The following DLGAP2 variants were observed in gnomAD, a reference collection of about 807,000 sequenced individuals.
DLGAP2 encodes DLG associated protein 2.
Under a neutral mutation model 100.3 loss-of-function variants are expected in DLGAP2, and 26 were observed. The observed-to-expected ratio is 0.26, with a 90% CI of 0.19 to 0.36. DLGAP2 has a LOEUF of 0.36. Ranked by LOEUF, DLGAP2 falls within the 10% of genes least tolerant of loss-of-function variation. The pLI, the probability that DLGAP2 is intolerant of heterozygous loss-of-function variation, is 1.00. For missense variants in DLGAP2, 1,858 were observed against 1,453.2 expected (o/e 1.28, Z -4.53); for synonymous variants, 886 against 630.1 (o/e 1.41, Z -6.08).
intron 2 of DLGAP2, among the ~76,000 whole-genome samples, chr8:1,082,682 T>A (rs1464916288): frequency 6.6e-6 from 1 of 152,196 alleles, no homozygotes; most frequent in Non-Finnish European, 1.5e-5. Context: ...TGCTGGGAGA[T>A]CAGAGGTATT....
At chr8:1,183,312 C>A (rs983459880) in intron 2 of DLGAP2, among the ~76,000 whole-genome samples, 9 of 152,130 alleles carry the variant, frequency 5.9e-5, no homozygotes, top group Admixed American at 4.6e-4. Flanking sequence ...AAAATAACTA[C>A]ATGGGAAAAC....
intron 3 of DLGAP2, among the ~76,000 whole-genome samples, chr8:1,435,720 G>A (rs1797600571): frequency 6.6e-6 from 1 of 151,818 alleles, no homozygotes; most frequent in Non-Finnish European, 1.5e-5. Context: ...TGTGGTCGTA[G>A]GCGATGGCAG....
intron 2 of DLGAP2, among the ~76,000 whole-genome samples, chr8:1,080,122 C>T (rs1027156506): frequency 5.9e-5 from 9 of 152,220 alleles, no homozygotes; most frequent in Admixed American, 5.2e-4. Flanking sequence ...GGCCGTGCTG[C>T]AGGTTCGCTG....
At chr8:859,562 G>T (rs181930749) in intron 1 of DLGAP2, among the ~76,000 whole-genome samples, 11 of 152,250 alleles carry the variant, frequency 7.2e-5, no homozygotes, top group African/African-American at 2.6e-4. Flanking sequence ...GGACTGAATG[G>T]CCCATCGCCC....
chr8:1,212,763 C>T (rs146117017), intron 2 of DLGAP2, among the ~76,000 whole-genome samples: 1 of 129,446 alleles, frequency 7.7e-6, no homozygotes, highest in African/African-American at 3.0e-5. Context: ...CTCTCTCTTC[C>T]CCCCCGCCCA....
intron 1 of DLGAP2, among the ~76,000 whole-genome samples, chr8:804,685 A>G (rs1796234565): frequency 6.6e-6 from 1 of 152,250 alleles, no homozygotes; most frequent in African/African-American, 2.4e-5. Context: ...AAACTTTTAA[A>G]TAATCTTTTC....
intron 1 of DLGAP2, among the ~76,000 whole-genome samples, chr8:771,141 A>G (rs769974839): frequency 3.3e-5 from 5 of 152,132 alleles, no homozygotes; most frequent in Non-Finnish European, 7.3e-5. Flanking sequence ...AAATTACCTA[A>G]TTTATGTCAG....
At chr8:1,536,799 T>A (rs551563232) in intron 4 of DLGAP2, among the ~76,000 whole-genome samples, 1 of 152,200 alleles carries the variant, frequency 6.6e-6, no homozygotes, top group East Asian at 1.9e-4. Context: ...TATTTTTATT[T>A]CCATTCAAAT....
At chr8:1,066,756 C>T (rs933961930) in intron 2 of DLGAP2, among the ~76,000 whole-genome samples, 4 of 152,234 alleles carry the variant, frequency 2.6e-5, no homozygotes, top group African/African-American at 7.2e-5. Flanking sequence ...CCTCCACACG[C>T]GGCACCTCCG....
At chr8:1,552,215 G>A (rs1801792759) in intron 5 of DLGAP2, among the ~76,000 whole-genome samples, 1 of 152,216 alleles carries the variant, frequency 6.6e-6, no homozygotes, top group Non-Finnish European at 1.5e-5. Context: ...CCGACATTGG[G>A]AAGCACTGCC....
intron 3 of DLGAP2, among the ~76,000 whole-genome samples, chr8:1,408,376 G>C (rs948926474): frequency 1.3e-5 from 2 of 152,190 alleles, no homozygotes; most frequent in South Asian, 2.1e-4. Flanking sequence ...GGAGAAATCA[G>C]TTCCAGGCCC....
intron 2 of DLGAP2, among the ~76,000 whole-genome samples, chr8:1,253,778 C>T (rs1266216722): frequency 6.6e-6 from 1 of 152,200 alleles, no homozygotes; most frequent in East Asian, 1.9e-4. Flanking sequence ...GATGATGAAT[C>T]CACAGTGTAT....
At chr8:1,245,710 G>A (rs549968965) in intron 2 of DLGAP2, among the ~76,000 whole-genome samples, 2 of 152,320 alleles carry the variant, frequency 1.3e-5, no homozygotes, top group East Asian at 3.9e-4. Flanking sequence ...ACTTTCAGTG[G>A]GTGAATCATA....
intron 1 of DLGAP2, among the ~76,000 whole-genome samples, chr8:781,649 G>A (rs7006952): frequency 0.99 from 151,281 of 152,268 alleles, 75,155 homozygotes; most frequent in Middle Eastern, 1. Flanking sequence ...AAAGAAGTTC[G>A]TTGTGACACG....
Position 1,135,547 on chromosome 8 carries a change from C to T in DLGAP2, c.74-123304C>T, listed in dbSNP as rs78741380. On this transcript the variant is annotated intron_variant, in intron 2 of 14. Coordinates refer to ENST00000637795, the MANE Select transcript of DLGAP2 (RefSeq NM_001346810.2). ...TTTTTTGTCCATATCTTAAGAAGCGCTAGACTCTGAAAAGGGGCATGCGGT... is the reference window on the plus strand; with the variant it reads ...TTTTTTGTCCATATCTTAAGAAGCGTTAGACTCTGAAAAGGGGCATGCGGT... Among the ~76,000 whole-genome samples the T allele has an allele frequency of 8.6e-3, 993 of 116,008 alleles. 14 individuals carry two copies. Among genetic ancestry groups the T allele is most frequent in the African/African-American group, 0.03 (943 of 31,658 alleles). 76.1% of individuals were successfully genotyped at this position (116,008 alleles called of 152,430 possible).
At chr8:1,140,048 C>CT (rs201455711) in intron 2 of DLGAP2, among the ~76,000 whole-genome samples, 1 of 152,156 alleles carries the variant, frequency 6.6e-6, no homozygotes, top group Non-Finnish European at 1.5e-5. Context: ...TTAAATGGTG[C>CT]TTTTTTTCTA....
chr8:1,554,355 T>G (rs1044329808), intron 5 of DLGAP2, among the ~76,000 whole-genome samples: 3 of 152,214 alleles, frequency 2.0e-5, no homozygotes. Flanking sequence ...TGCACGATGC[T>G]GGCCATTTGC....
chr8:1,011,159 A>G (rs935360163), intron 2 of DLGAP2, among the ~76,000 whole-genome samples: 9 of 149,298 alleles, frequency 6.0e-5, no homozygotes, highest in Admixed American at 2.0e-4. Flanking sequence ...CTCTGGAATG[A>G]GGGGTCTTAG....
intron 12 of DLGAP2, among the ~76,000 whole-genome samples, chr8:1,688,716 GT>G (rs932060452): frequency 1.3e-5 from 2 of 152,176 alleles, no homozygotes. Flanking sequence ...AGAAAAATAG[GT>G]TTTTAAGTCC....
Sources: allele counts gnomAD v4.1 joint callset (sites outside exome capture counted in the v4.1 genomes callset), GRCh38; gene constraint gnomAD v4.1.1; transcripts MANE v1.5; gene names NCBI Gene and HGNC (gene_info 2026-07-23, HGNC 2026-07-21).